Variants in AUTS2 observed in about 807,000 individuals in gnomAD.
AUTS2 encodes autism susceptibility gene 2 protein.
Under a neutral mutation model 112.4 loss-of-function variants are expected in AUTS2, and 17 were observed. The observed-to-expected ratio is 0.15, with a 90% CI of 0.10 to 0.23. AUTS2 has a LOEUF of 0.23. Ranked by LOEUF, AUTS2 falls within the 10% of genes least tolerant of loss-of-function variation. The pLI, the probability that AUTS2 is intolerant of heterozygous loss-of-function variation, is 1.00. For synonymous variants in AUTS2, 751 were observed against 702.7 expected, an observed-to-expected ratio of 1.07 and a Z score of -1.09; for missense variants, 1,510 against 1,701.6, an observed-to-expected ratio of 0.89 and a Z score of 1.98.
At chr7:70,606,309 A>G (rs1243147748) in intron 5 of AUTS2, among the ~76,000 whole-genome samples, 1 of 151,700 alleles carries the variant, frequency 6.6e-6, no homozygotes, top group Non-Finnish European at 1.5e-5. Context: ...AGTCCCTAAC[A>G]CTCTAGTAAT....
intron 1 of AUTS2, among the ~76,000 whole-genome samples, chr7:69,805,803 G>A (rs1193360793): frequency 6.6e-6 from 1 of 152,148 alleles, no homozygotes; most frequent in Non-Finnish European, 1.5e-5. Context: ...GTTAATATTG[G>A]ATGATAGTAT....
chr7:69,745,220 A>G (rs931018296), intron 1 of AUTS2, among the ~76,000 whole-genome samples: 5 of 152,206 alleles, frequency 3.3e-5, no homozygotes, highest in Non-Finnish European at 7.3e-5. Context: ...GAATAGTAAC[A>G]TCACCATCCC....
chr7:69,974,983 T>TA (rs891274065), intron 2 of AUTS2, among the ~76,000 whole-genome samples: 11 of 151,990 alleles, frequency 7.2e-5, no homozygotes, highest in African/African-American at 1.4e-4. Context: ...TATTTTTTTT[T>TA]AAAAATAGAA....
At chr7:70,177,948 G>A (rs1219965728) in intron 4 of AUTS2, among the ~76,000 whole-genome samples, 2 of 137,908 alleles carry the variant, frequency 1.5e-5, no homozygotes, top group African/African-American at 5.5e-5. Context: ...GTGGAGTCTT[G>A]CGCTGTCACC....
chr7:70,129,649 T>C (rs1262606868), intron 3 of AUTS2, among the ~76,000 whole-genome samples: 1 of 152,178 alleles, frequency 6.6e-6, no homozygotes, highest in Non-Finnish European at 1.5e-5. Flanking sequence ...CTTTAAAATG[T>C]TTATTTTGCC....
chr7:69,914,161 A>AG (rs1795468056), intron 2 of AUTS2, among the ~76,000 whole-genome samples: 1 of 152,070 alleles, frequency 6.6e-6, no homozygotes, highest in African/African-American at 2.4e-5. Flanking sequence ...AGCTCTACTG[A>AG]GGAGAGATAT....
At chr7:70,228,424 A>G (rs1242521435) in intron 4 of AUTS2, among the ~76,000 whole-genome samples, 1 of 151,428 alleles carries the variant, frequency 6.6e-6, no homozygotes, top group Non-Finnish European at 1.5e-5. Context: ...TATAGTTAAT[A>G]TTATTATTGA....
chr7:69,981,110 T>C (rs1798278455), intron 2 of AUTS2, among the ~76,000 whole-genome samples: 1 of 152,224 alleles, frequency 6.6e-6, no homozygotes, highest in Admixed American at 6.5e-5. Context: ...TTAATTTCTC[T>C]AGAAACAAAA....
At chr7:69,939,149 A>ATGC (rs1464109659) in intron 2 of AUTS2, among the ~76,000 whole-genome samples, 4 of 152,180 alleles carry the variant, frequency 2.6e-5, no homozygotes, top group African/African-American at 9.6e-5. Context: ...TTACCTATAA[A>ATGC]TGCTGGTGAC....
chr7:69,718,883 G>C (rs764821312), intron 1 of AUTS2, among the ~76,000 whole-genome samples: 8 of 152,168 alleles, frequency 5.3e-5, no homozygotes, highest in Non-Finnish European at 1.0e-4. Context: ...TGTGCGAGTG[G>C]TGGGTGGTTT....
At chr7:69,769,772 A>G (rs1023898796) in intron 1 of AUTS2, among the ~76,000 whole-genome samples, 46 of 152,214 alleles carry the variant, frequency 3.0e-4, no homozygotes, top group African/African-American at 1.1e-3. Context: ...GACATAAACT[A>G]AGGTGGAAAA....
At chr7:70,748,419 C>A (rs991300442) in intron 6 of AUTS2, among the ~76,000 whole-genome samples, 2 of 152,144 alleles carry the variant, frequency 1.3e-5, no homozygotes, top group African/African-American at 2.4e-5. Context: ...CTCCCTGTCA[C>A]CCCCTTTGTA....
chr7:69,913,503 G>A (rs181710399), intron 2 of AUTS2, among the ~76,000 whole-genome samples: 189 of 152,272 alleles, frequency 1.2e-3, no homozygotes, highest in African/African-American at 4.2e-3. Flanking sequence ...GAAATGTTGA[G>A]CTCCTCGAGG....
At chr7:70,660,663 T>C (rs1418467292) in intron 5 of AUTS2, among the ~76,000 whole-genome samples, 3 of 152,328 alleles carry the variant, frequency 2.0e-5, no homozygotes, top group Non-Finnish European at 4.4e-5. Context: ...GGCCGCAGGC[T>C]ACATACATTA....
chr7:70,043,621 T>A (rs557777772), intron 2 of AUTS2, among the ~76,000 whole-genome samples: 3 of 121,910 alleles, frequency 2.5e-5, no homozygotes, highest in Admixed American at 1.5e-4. Context: ...TTTTTTTTTT[T>A]ATTTTTGGTC....
At chr7:70,590,607 A>G (rs1367389535) in intron 5 of AUTS2, among the ~76,000 whole-genome samples, 3 of 152,148 alleles carry the variant, frequency 2.0e-5, no homozygotes, top group African/African-American at 7.2e-5. Flanking sequence ...TCATAGTTTT[A>G]TATTTTATGA....
intron 5 of AUTS2, among the ~76,000 whole-genome samples, chr7:70,518,594 G>C (rs1799513743): frequency 6.6e-6 from 1 of 151,766 alleles, no homozygotes; most frequent in East Asian, 2.0e-4. Context: ...TAAGGCAGGA[G>C]AATGGCGTGA....
chr7:70,382,862 C>A (rs898379632), intron 4 of AUTS2, among the ~76,000 whole-genome samples: 1 of 152,142 alleles, frequency 6.6e-6, no homozygotes, highest in African/African-American at 2.4e-5. Flanking sequence ...TAAAATGACA[C>A]ATCCTTATTG....
intron 5 of AUTS2, among the ~76,000 whole-genome samples, chr7:70,496,020 C>A (rs1196266409): frequency 2.4e-5 from 2 of 83,320 alleles, no homozygotes; most frequent in Non-Finnish European, 5.1e-5. Context: ...CACACACACA[C>A]CCCCCCCACA....
Sources: allele counts gnomAD v4.1 joint callset (sites outside exome capture counted in the v4.1 genomes callset), GRCh38; gene constraint gnomAD v4.1.1; transcripts MANE v1.5; gene names NCBI Gene and HGNC (gene_info 2026-07-23, HGNC 2026-07-21).